CHN2: variants seen among roughly 807,000 people sequenced by gnomAD.
CHN2 encodes the protein chimerin 2.
Under a neutral mutation model 56.3 loss-of-function variants are expected in CHN2, and 35 were observed. That is an observed-to-expected ratio of 0.62 (90% CI 0.47 to 0.82). The LOEUF is 0.82. Among genes scored for constraint, CHN2 ranks in the 40% least tolerant of loss-of-function variants. The pLI is 0.00. For synonymous variants in CHN2, 210 were observed against 212.8 expected (o/e 0.99, Z 0.12); for missense variants, 491 against 580.5 (o/e 0.85, Z 1.58).
chr7:29,499,811 G>C (rs1233845346), intron 8 of CHN2, 56 bp from the exon 9 acceptor site: 2 of 1,456,286 alleles, frequency 1.4e-6, no homozygotes, highest in African/African-American at 2.8e-5. Context: ...CATATAATTT[G>C]TGTTGTGCTT....
intron 1 of CHN2, among the ~76,000 whole-genome samples, chr7:29,301,330 G>A (rs139958268): frequency 7.1e-4 from 101 of 141,530 alleles, no homozygotes; most frequent in African/African-American, 2.6e-3. Flanking sequence ...TGAAAGCAGG[G>A]CCTCAAACAG....
At chr7:29,451,015 C>A (rs1784367027) in intron 6 of CHN2, among the ~76,000 whole-genome samples, 1 of 152,064 alleles carries the variant, frequency 6.6e-6, no homozygotes, top group Non-Finnish European at 1.5e-5. Flanking sequence ...GTGATCTACC[C>A]ACCTCGGCCT....
chr7:29,288,392 G>T (rs1485496609), intron 1 of CHN2, among the ~76,000 whole-genome samples: 1 of 152,166 alleles, frequency 6.6e-6, no homozygotes, highest in African/African-American at 2.4e-5. Context: ...TGATGCAAAA[G>T]AAATTAGAAA....
chr7:29,329,402 A>AAG (rs1796045992), intron 1 of CHN2, among the ~76,000 whole-genome samples: 4 of 150,078 alleles, frequency 2.7e-5, no homozygotes, highest in African/African-American at 9.8e-5. Flanking sequence ...AAAAAAAAAA[A>AAG]GTCAGCAATT....
intron 6 of CHN2, among the ~76,000 whole-genome samples, chr7:29,454,932 A>G (rs1192194474): frequency 6.6e-6 from 1 of 150,872 alleles, no homozygotes; most frequent in Non-Finnish European, 1.5e-5. Context: ...TATTAAAATT[A>G]TATTGTAAAC....
Position 29,212,525 on chromosome 7 carries a change from C to T in CHN2, c.49+17535C>T, listed in dbSNP as rs541786423. The T allele has an allele frequency of 8.3e-4, 1,267 of 1,533,824 alleles. 1 individual carries two copies. Among genetic ancestry groups the T allele is most frequent in the Admixed American group, 1.1e-3 (63 of 59,912 alleles). ...TTCTTCCACCAGTCCCAAAGGCAAA[C>T]AACCCATTGCTGCAGAGAATAATGC... On this transcript the variant is annotated intron_variant, in intron 1 of 12. Coordinates refer to ENST00000222792, the MANE Select transcript of CHN2 (RefSeq NM_004067.4).
intron 6 of CHN2, among the ~76,000 whole-genome samples, chr7:29,402,901 G>C (rs931443007): frequency 6.6e-6 from 1 of 151,050 alleles, no homozygotes; most frequent in African/African-American, 2.4e-5. Flanking sequence ...ATAAATTGTG[G>C]AGGAAATTAA....
intron 7 of CHN2, among the ~76,000 whole-genome samples, chr7:29,492,656 C>T (rs1281721705): frequency 6.6e-6 from 1 of 152,190 alleles, no homozygotes; most frequent in Non-Finnish European, 1.5e-5. Flanking sequence ...CTTGAGCTAT[C>T]CTCTGTCTCT....
At chr7:29,479,879 G>C in intron 6 of CHN2, 1 of 1,393,962 alleles carries the variant, frequency 7.2e-7, no homozygotes, top group Non-Finnish European at 9.3e-7. Context: ...TATTGTTCCA[G>C]GCGCACGTCG....
At chr7:29,247,209 C>A (rs760704866) in intron 1 of CHN2, among the ~76,000 whole-genome samples, 1 of 152,092 alleles carries the variant, frequency 6.6e-6, no homozygotes, top group Non-Finnish European at 1.5e-5. Flanking sequence ...GTAGGGAGAG[C>A]GGTTTGGCAT....
At chr7:29,425,590 A>G (rs879792094) in intron 6 of CHN2, among the ~76,000 whole-genome samples, 10 of 152,192 alleles carry the variant, frequency 6.6e-5, no homozygotes, top group Non-Finnish European at 4.4e-5. Context: ...TTTAGCTTCT[A>G]GGAACTTTAG....
At chr7:29,483,391 G>A (rs949124066) in intron 7 of CHN2, among the ~76,000 whole-genome samples, 2 of 152,080 alleles carry the variant, frequency 1.3e-5, no homozygotes, top group Non-Finnish European at 2.9e-5. Flanking sequence ...AGTAAAATTC[G>A]GCTCTGAGAA....
At chr7:29,194,257 C>G (rs941990228), upstream of CHN2, 1 of 152,178 alleles carries the variant, frequency 6.6e-6, no homozygotes, top group African/African-American at 2.4e-5. Flanking sequence ...GCGCTCGCCC[C>G]GCGCCCGGCC....
intron 6 of CHN2, among the ~76,000 whole-genome samples, chr7:29,473,507 T>C (rs1352772264): frequency 1.4e-5 from 2 of 145,018 alleles, no homozygotes; most frequent in African/African-American, 5.2e-5. Context: ...TGTGTGTGTG[T>C]TCTAATTATC....
chr7:29,324,047 G>C (rs1203410297), intron 1 of CHN2, among the ~76,000 whole-genome samples: 1 of 151,960 alleles, frequency 6.6e-6, no homozygotes, highest in Admixed American at 6.6e-5. Flanking sequence ...AAAAGTTATA[G>C]GGGGTTGAAG....
chr7:29,432,225 G>A (rs1014965853), intron 6 of CHN2, among the ~76,000 whole-genome samples: 6 of 151,992 alleles, frequency 3.9e-5, no homozygotes, highest in African/African-American at 1.5e-4. Flanking sequence ...GTGAAATTCC[G>A]TAGCTATTCC....
At position 29,466,831 on chromosome 7, in the gene CHN2, A is replaced by G. The variant is rs367775606; in HGVS notation, c.577-13448A>G. Among the ~76,000 whole-genome samples the G allele has an allele frequency of 3.9e-5, 6 of 152,326 alleles. No individual in the cohort carries two copies. In the East Asian group the frequency reaches 9.6e-4, roughly 24 times the overall value. ...TTCTCCTAGTTCAAATACAAAACAA[A>G]ACTGGGAAAAAATATTTTGTTTTTC... On this transcript the variant is annotated intron_variant, in intron 6 of 12. Transcript: ENST00000222792.
intron 6 of CHN2, among the ~76,000 whole-genome samples, chr7:29,402,006 G>GCTA (rs57390032): frequency 0.082 from 12,534 of 152,180 alleles, 621 homozygotes; most frequent in African/African-American, 0.14. Context: ...ATAGAAATAA[G>GCTA]CGGATAGGAG....
chr7:29,180,625 A>C (rs1797953921), intron 2 of CHN2, among the ~76,000 whole-genome samples: 1 of 152,238 alleles, frequency 6.6e-6, no homozygotes, highest in Non-Finnish European at 1.5e-5. Context: ...TGAGCCAATA[A>C]AAATACCTTT....
Sources: gnomAD v4.1 joint callset for allele counts (sites outside exome capture counted in the v4.1 genomes callset) on GRCh38, gnomAD v4.1.1 for gene constraint, MANE v1.5 for transcripts, NCBI Gene and HGNC (gene_info 2026-07-23, HGNC 2026-07-21) for gene names.